The following DERL3 variants were observed in gnomAD, a reference collection of about 807,000 sequenced individuals.
DERL3 encodes derlin-3.
DERL3 carries 20 observed loss-of-function variants against 23.8 expected under a neutral mutation model. The ratio of observed to expected loss-of-function variants is 0.84; its 90% CI spans 0.59 to 1.22. The LOEUF (loss-of-function observed/expected upper bound fraction) is 1.22. Among genes scored for constraint, DERL3 ranks in the 50% most tolerant of loss-of-function variants. The pLI, the probability that DERL3 is intolerant of heterozygous loss-of-function variation, is 0.00. For missense variants in DERL3, 319 were observed against 304.1 expected (o/e 1.05, Z -0.36); for synonymous variants, 145 against 132.5 (o/e 1.09, Z -0.65).
rs756890728 is a variant in DERL3 at position 23,838,576 on chromosome 22, T to A, written c.221A>T (p.Asn74Ile). The stretch of plus-strand genomic sequence containing the variant: ...GGGCGCAGGATACACGAAGAGCATG[T>A]TGAAGAAGAAGCTGAATCCCAGGGG... ...FGPLGFSFFF[N>I]MLFVFRYCRM... Residue 74 changes from asparagine to isoleucine, a missense_variant, in exon 3 of 7, where the codon AAC becomes ATC. Transcript: ENST00000318109. The A allele has an allele frequency of 5.7e-6, 9 of 1,588,328 alleles. No homozygotes were observed. Among genetic ancestry groups the A allele is most frequent in the African/African-American group, 1.4e-5 (1 of 73,878 alleles).
intron 4 of DERL3, 88 bp from the exon 5 acceptor site, chr22:23,837,942 C>T: frequency 1.5e-6 from 2 of 1,352,130 alleles, no homozygotes; most frequent in Non-Finnish European, 2.0e-6. Flanking sequence ...TTCTTCCCCT[C>T]ATCTCCCCTA....
rs117846678 is a variant in DERL3, at chr22:23,837,147, C to T, written c.531G>A (p.Ala177=). Residue 177 remains alanine (A), a synonymous_variant, in exon 6 of 7, where the codon GCG becomes GCA. Transcript: ENST00000318109. ...NSILVDLLGI[A]VGHIYYFLED... ...CCAGGAAGTAGTAGATATGGCCCACCGCAATCCCTGTGAGACAGCCACGGA... is the reference window on the plus strand; with the variant it reads ...CCAGGAAGTAGTAGATATGGCCCACTGCAATCCCTGTGAGACAGCCACGGA... 3,795 of 1,613,928 alleles carry T rather than the reference C, an allele frequency of 2.4e-3. 9 individuals are homozygous for T. Among genetic ancestry groups the T allele is most frequent in the Non-Finnish European group, 2.8e-3 (3,348 of 1,179,898 alleles).
intron 3 of DERL3, 38 bp from the exon 4 acceptor site, chr22:23,838,483 C>T (rs1198958791): frequency 1.3e-6 from 2 of 1,577,908 alleles, no homozygotes; most frequent in African/African-American, 1.4e-5. Context: ...CAGGCGGGGC[C>T]TCAGTTTCCC....
At position 23,835,681 on chromosome 22, in the gene DERL3, C is replaced by T. The variant is rs1397626062; in HGVS notation, c.*1188G>A. 1 of 985,422 alleles carries T rather than the reference C, an allele frequency of 1.0e-6. No individual in the cohort carries two copies. The highest frequency in any genetic ancestry group is 6.1e-5 in the Admixed American group (1 of 16,276). The allele number at this position is 985,422 out of a possible 1,614,324, so 61.0% of individuals were successfully genotyped here. A position where few individuals can be genotyped will look rare whatever the true frequency, so the allele number is the denominator to read the frequency against. The stretch of plus-strand genomic sequence containing the variant: ...GGGGAAGATTCCCAGCCCAGCTGCT[C>T]TTAGACATGAACAGGTTTCATTGCT... On this transcript the variant is annotated 3_prime_UTR_variant, in exon 7 of 7. Transcript: ENST00000318109.
In DERL3 at chr22:23,835,926, G is replaced by T. The variant is rs549121794; in HGVS notation, c.*943C>A. The T allele has an allele frequency of 1.0e-6, 1 of 985,382 alleles. No homozygotes were observed. Among genetic ancestry groups the T allele is most frequent in the Admixed American group, 6.1e-5 (1 of 16,272 alleles). The allele number at this position is 985,382 out of a possible 1,614,324, so 61.0% of individuals were successfully genotyped here. On this transcript the variant is annotated 3_prime_UTR_variant, in exon 7 of 7. Coordinates refer to ENST00000318109, the MANE Select transcript of DERL3 (RefSeq NM_001002862.3). ...TCTCCACAAGGTCTGGCTACAACAC[G>T]GAGGGCAGACTCAACAGAGAACAGT...
At position 23,838,694 on chromosome 22, in the gene DERL3, G is replaced by A; in HGVS notation, c.159+17C>T. 2 of 1,548,430 alleles carry A rather than the reference G, an allele frequency of 1.3e-6. No individual in the cohort carries two copies. The highest frequency in any genetic ancestry group is 4.9e-5 in the East Asian group (2 of 40,928). On this transcript the variant is annotated intron_variant, in intron 2 of 6. Coordinates refer to ENST00000318109, the MANE Select transcript of DERL3 (RefSeq NM_001002862.3). ...GGTGGGTCGGGCCCACAGGTGCGCGGCGCGGGGCGGCCTCACCTGGAACTT... is the reference window on the plus strand; with the variant it reads ...GGTGGGTCGGGCCCACAGGTGCGCGACGCGGGGCGGCCTCACCTGGAACTT...
rs1175742287 is a variant in DERL3 at position 23,835,176 on chromosome 22, G to GGGA, written c.*1692_*1693insTCC. The GGGA allele has an allele frequency of 7.8e-7, 1 of 1,283,620 alleles. No homozygotes were observed. Among genetic ancestry groups the GGGA allele is most frequent in the Non-Finnish European group, 9.8e-7 (1 of 1,017,696 alleles). 79.5% of individuals were successfully genotyped at this position (1,283,620 alleles called of 1,614,324 possible). A position where few individuals can be genotyped will look rare whatever the true frequency, so the allele number is the denominator to read the frequency against. ...GGTACAGGGAGGAGACACAGCCCAG[G>GGGA]GTCCCTTCCCAGCCCTGCCTCCAAG... On this transcript the variant is annotated 3_prime_UTR_variant, in exon 7 of 7. Coordinates refer to ENST00000318109, the MANE Select transcript of DERL3 (RefSeq NM_001002862.3).
In DERL3 at chr22:23,838,923, G is replaced by A; in HGVS notation, c.65C>T (p.Ala22Val). ...CGCGGCGGTGGTGAGGACACAGGCT[G>A]CGGTGTAAGCCCGCGTCACCGCCGG... ...QVPAVTRAYT[A>V]ACVLTTAAVQ... Residue 22 changes from alanine (A) to valine (V), a missense_variant, in exon 1 of 7, where the codon GCA becomes GTA. Transcript: ENST00000318109. The A allele has an allele frequency of 6.3e-7, 1 of 1,575,380 alleles. No individual in the cohort carries two copies. The highest frequency in any genetic ancestry group is 1.2e-5 in the South Asian group (1 of 86,412).
Position 23,838,880 on chromosome 22 carries a change from CG to C in DERL3, c.93+14del. On this transcript the variant is annotated intron_variant, in intron 1 of 6. Transcript: ENST00000318109. ...GCTGTAACCAAGGCGACGTCCGGTC[CG>C]CCCGGCCGCTTACCACCGCGGCGGT... The C allele has an allele frequency of 6.4e-7, 1 of 1,554,278 alleles. No individual in the cohort carries two copies. Among genetic ancestry groups the C allele is most frequent in the South Asian group, 1.2e-5 (1 of 84,340 alleles).
intron 5 of DERL3, 194 bp from the exon 6 acceptor site, chr22:23,837,348 G>T: frequency 1.3e-6 from 1 of 745,390 alleles, no homozygotes; most frequent in Non-Finnish European, 2.2e-6. Flanking sequence ...GAAGCAGGCA[G>T]GACCCAGGGA....
chr22:23,837,104 G>A lies in DERL3; in HGVS notation c.574C>T (p.Gln192Ter), dbSNP rs769929696. 1.2e-6 allele frequency: 2 copies of A among 1,614,012 alleles called. No homozygotes were observed. The highest frequency in any genetic ancestry group is 1.1e-5 in the South Asian group (1 of 91,080). The change falls in exon 6 of 7, where the codon CAG becomes TAG. Residue 192 changes from glutamine (Q) to a stop codon, truncating the protein, a stop_gained. Transcript: ENST00000318109. LOFTEE classifies it high-confidence loss of function. ...YYFLEDVFPN[Q>*]PGGKRLLQTP... ...TGCAGGAGCCTCTTGCCTCCAGGCT[G>A]GTTGGGGAAGACGTCCTCCAGGAAG...
At chr22:23,838,281 G>A in intron 4 of DERL3, 71 bp downstream of exon 4, 1 of 1,553,812 alleles carries the variant, frequency 6.4e-7, no homozygotes, top group Non-Finnish European at 8.7e-7. Flanking sequence ...GGCTGTGTTG[G>A]CCCCAGGACC....
chr22:23,838,929 TA>T lies in DERL3; in HGVS notation c.58del (p.Tyr20ThrfsTer89). The T allele has an allele frequency of 6.3e-7, 1 of 1,577,952 alleles. No homozygotes were observed. The highest frequency in any genetic ancestry group is 1.2e-5 in the South Asian group (1 of 86,754). On this transcript the variant is annotated frameshift_variant, in exon 1 of 7. Transcript: ENST00000318109. LOFTEE classifies it high-confidence loss of function. ...GGTGGTGAGGACACAGGCTGCGGTGTAAGCCCGCGTCACCGCCGGCACCTGC... is the reference window on the plus strand; with the variant it reads ...GGTGGTGAGGACACAGGCTGCGGTGTAGCCCGCGTCACCGCCGGCACCTGC... Reference protein sequence around the residue: ...FLQVPAVTRAYTAACVLTTAA... With the variant: ...FLQVPAVTRAXTAACVLTTAA...
chr22:23,834,814 C>T lies in DERL3; in HGVS notation c.*2055G>A. ...TTCAGGAACAGCCCTAACCCTGCTC[C>T]CCTTGCTTGGCCTCAGGAAGGTGCC... is the stretch of plus-strand genomic sequence containing the variant. On this transcript the variant is annotated 3_prime_UTR_variant, in exon 7 of 7. Transcript: ENST00000318109. 1 of 1,608,384 alleles carries T rather than the reference C, an allele frequency of 6.2e-7. No homozygotes were observed. The highest frequency in any genetic ancestry group is 1.3e-5 in the African/African-American group (1 of 74,998).
Position 23,836,912 on chromosome 22 carries a change from G to A in DERL3, c.665C>T (p.Pro222Leu). Reference protein sequence around the residue: ...PAEDPNYLPLPEEQPGPHLPP... With the variant: ...PAEDPNYLPLLEEQPGPHLPP... ...CAGATGGGGTCCTGGCTGTTCCTCA[G>A]GGAGGGGCAGGTAATTGGGGTCTTC... The change falls in exon 7 of 7, where the codon CCT becomes CTT. Residue 222 changes from proline (P) to leucine (L), a missense_variant. By Grantham distance (98) the Pro-to-Leu change is moderately conservative (BLOSUM62 -3). Transcript: ENST00000318109. The A allele has an allele frequency of 1.3e-6, 2 of 1,528,886 alleles. No homozygotes were observed. Among genetic ancestry groups the A allele is most frequent in the South Asian group, 2.6e-5 (2 of 77,410 alleles). 94.7% of individuals were successfully genotyped at this position (1,528,886 alleles called of 1,614,324 possible).
At position 23,837,735 on chromosome 22, in the gene DERL3, G is replaced by T; in HGVS notation, c.447C>A (p.Phe149Leu). 1.2e-6 allele frequency: 2 copies of T among 1,613,846 alleles called. No homozygotes were observed. Among genetic ancestry groups the T allele is most frequent in the Non-Finnish European group, 1.7e-6 (2 of 1,179,924 alleles). Residue 149 changes from phenylalanine (F) to leucine (L), a missense_variant, in exon 5 of 7, where the codon TTC becomes TTA. Physicochemically the swap from Phe to Leu is conservative, Grantham distance 22. Coordinates refer to ENST00000318109, the MANE Select transcript of DERL3 (RefSeq NM_001002862.3). ...VRVNFFGLLT[F>L]QAPFLPWALM... ...GCGCCCAAGGCAGGAACGGTGCCTGGAAAGTGAGCAGGCCGAAGAAGTTGA... is the reference window on the plus strand; with the variant it reads ...GCGCCCAAGGCAGGAACGGTGCCTGTAAAGTGAGCAGGCCGAAGAAGTTGA...
chr22:23,836,363 G>T lies in DERL3; in HGVS notation c.*506C>A. The T allele has an allele frequency of 1.0e-6, 1 of 985,714 alleles. No homozygotes were observed. The highest frequency in any genetic ancestry group is 1.2e-6 in the Non-Finnish European group (1 of 830,118). The allele number at this position is 985,714 out of a possible 1,614,324, so 61.1% of individuals were successfully genotyped here. A position where few individuals can be genotyped will look rare whatever the true frequency, so the allele number is the denominator to read the frequency against. ...TGGCATCAGCCTGAAGGCACCACTG[G>T]CAGGAACATCTGTAGGCTGGTTTGG... On this transcript the variant is annotated 3_prime_UTR_variant, in exon 7 of 7. Coordinates refer to ENST00000318109, the MANE Select transcript of DERL3 (RefSeq NM_001002862.3).
chr22:23,835,228 T>G lies in DERL3; in HGVS notation c.*1641A>C, dbSNP rs960454780. 16 of 1,197,954 alleles carry G rather than the reference T, an allele frequency of 1.3e-5. 1 individual carries two copies. Among genetic ancestry groups the G allele is most frequent in the Admixed American group, 1.3e-4 (3 of 22,940 alleles). 74.2% of individuals were successfully genotyped at this position (1,197,954 alleles called of 1,614,324 possible). On this transcript the variant is annotated 3_prime_UTR_variant, in exon 7 of 7. Transcript: ENST00000318109. Reference sequence around the variant, plus strand: ...AGTTCATGTCCCCTCTGTTCTCATCTGTAATAGGGAGGTGTCCCCATTCTT... The same window carrying G: ...AGTTCATGTCCCCTCTGTTCTCATCGGTAATAGGGAGGTGTCCCCATTCTT...
In DERL3 at chr22:23,834,736, CCA is replaced by C; in HGVS notation, c.*2131_*2132del. Reference sequence around the variant, plus strand: ...CCCTCAGCCTGTTCTCCTTCCAGACCCAGAGAGCTGAGAAGAGTAGCTGTGAG... The same window carrying C: ...CCCTCAGCCTGTTCTCCTTCCAGACCGAGAGCTGAGAAGAGTAGCTGTGAG... On this transcript the variant is annotated 3_prime_UTR_variant, in exon 7 of 7. Transcript: ENST00000318109. 6.8e-7 allele frequency: 1 copy of C among 1,477,620 alleles called. No individual in the cohort carries two copies. The highest frequency in any genetic ancestry group is 2.3e-5 in the East Asian group (1 of 42,576). 91.5% of individuals were successfully genotyped at this position (1,477,620 alleles called of 1,614,324 possible). A position where few individuals can be genotyped will look rare whatever the true frequency, so the allele number is the denominator to read the frequency against.
Sources: gnomAD v4.1 joint callset for allele counts on GRCh38, gnomAD v4.1.1 for gene constraint, MANE v1.5 for transcripts, NCBI Gene and HGNC (gene_info 2026-07-23, HGNC 2026-07-21) for gene names.